ADGRB3: variants seen among roughly 807,000 people sequenced by gnomAD.
The protein encoded by ADGRB3 is brain-specific angiogenesis inhibitor 3.
In ADGRB3, 37 loss-of-function variants were observed where a neutral mutation model predicts 193.4. That is an observed-to-expected ratio of 0.19 (90% CI 0.15 to 0.25). The LOEUF (loss-of-function observed/expected upper bound fraction) is 0.25. Ranked by LOEUF, ADGRB3 falls within the 10% of genes least tolerant of loss-of-function variation. The pLI, the probability that ADGRB3 is intolerant of heterozygous loss-of-function variation, is 1.00. For synonymous variants in ADGRB3, 690 were observed against 644.2 expected, an observed-to-expected ratio of 1.07 and a Z score of -1.08; for missense variants, 1,637 against 1,852.9, an observed-to-expected ratio of 0.88 and a Z score of 2.14.
rs1434232810 is a variant in ADGRB3 at position 69,135,512 on chromosome 6, C to T, written c.2480+59474C>T. Among the ~76,000 whole-genome samples, 6 of 152,116 alleles carry T rather than the reference C, an allele frequency of 3.9e-5. No homozygotes were observed. In the East Asian group the frequency reaches 9.7e-4, roughly 24 times the overall value. The stretch of plus-strand genomic sequence containing the variant: ...GTAGTAAGCCAGGGAAAAAGCTATA[C>T]ATGCATTAATTTCTATGTATGATTT... On this transcript the variant is annotated intron_variant, in intron 17 of 31. Coordinates refer to ENST00000370598, the MANE Select transcript of ADGRB3 (RefSeq NM_001704.3).
Position 69,085,569 on chromosome 6 carries a change from AT to A in ADGRB3, c.2480+9541del, listed in dbSNP as rs569932817. On this transcript the variant is annotated intron_variant, in intron 17 of 31. Coordinates refer to ENST00000370598, the MANE Select transcript of ADGRB3 (RefSeq NM_001704.3). ...CCAGTCATTTGAATGACTCAGACTA[AT>A]TTTTTTTTTCTATTTTAGCTTTTAT... Among the ~76,000 whole-genome samples the A allele has an allele frequency of 3.9e-3, 588 of 149,508 alleles. 3 individuals are homozygous for A. Among genetic ancestry groups the A allele is most frequent in the African/African-American group, 0.013 (535 of 40,792 alleles).
intron 8 of ADGRB3, among the ~76,000 whole-genome samples, chr6:68,961,783 A>G (rs138174637): frequency 5.2e-4 from 79 of 152,318 alleles, no homozygotes; most frequent in Middle Eastern, 6.8e-3. Context: ...ATTTCAAACC[A>G]AGTTTAATTA....
In ADGRB3 at chr6:68,704,138, T is replaced by A. The variant is rs946540184; in HGVS notation, c.757+64706T>A. Among the ~76,000 whole-genome samples, 3 of 152,202 alleles carry A rather than the reference T, an allele frequency of 2.0e-5. No individual in the cohort carries two copies. In the East Asian group the frequency reaches 5.8e-4, roughly 29 times the overall value. On this transcript the variant is annotated intron_variant, in intron 3 of 31. Transcript: ENST00000370598. ...AAACATAAATTATTATGAAACACTG[T>A]GTACATTTAATTTGAAGGTTGTCCA...
At chr6:69,094,915 GA>G (rs1227315950) in intron 17 of ADGRB3, among the ~76,000 whole-genome samples, 2 of 152,108 alleles carry the variant, frequency 1.3e-5, no homozygotes, top group Non-Finnish European at 2.9e-5. Context: ...ACACTTTTAA[GA>G]TGGCTTAAAA....
intron 20 of ADGRB3, among the ~76,000 whole-genome samples, chr6:69,254,071 G>A (rs1766692820): frequency 6.6e-6 from 1 of 152,082 alleles, no homozygotes; most frequent in South Asian, 2.1e-4. Flanking sequence ...AATTTAAAAA[G>A]AGCACAAGGA....
intron 3 of ADGRB3, among the ~76,000 whole-genome samples, chr6:68,722,416 G>A (rs1465818272): frequency 2.0e-5 from 3 of 151,532 alleles, no homozygotes; most frequent in Admixed American, 6.6e-5. Flanking sequence ...ACCATGGCAC[G>A]TGTACGTCTA....
chr6:68,945,509 A>G (rs886532594), intron 6 of ADGRB3, among the ~76,000 whole-genome samples: 115 of 152,156 alleles, frequency 7.6e-4, no homozygotes, highest in African/African-American at 2.3e-3. Context: ...TACTTTTTAA[A>G]TTTTTTTCAA....
intron 3 of ADGRB3, among the ~76,000 whole-genome samples, chr6:68,767,096 G>A (rs1272116794): frequency 2.0e-5 from 3 of 151,906 alleles, no homozygotes; most frequent in Admixed American, 2.0e-4. Context: ...CTTTTAAAGT[G>A]CTTTCATTTT....
At chr6:68,862,894 T>C (rs1765196069) in intron 3 of ADGRB3, among the ~76,000 whole-genome samples, 2 of 152,154 alleles carry the variant, frequency 1.3e-5, no homozygotes, top group African/African-American at 2.4e-5. Context: ...TTTTTGTCTC[T>C]TTTCTTTCCC....
At chr6:68,665,581 A>T (rs1768780326) in intron 3 of ADGRB3, among the ~76,000 whole-genome samples, 1 of 151,844 alleles carries the variant, frequency 6.6e-6, no homozygotes, top group Non-Finnish European at 1.5e-5. Flanking sequence ...ACATATGCAA[A>T]GTGTTTAGAC....
intron 23 of ADGRB3, chr6:69,332,107 T>A (rs1183441102): frequency 2.0e-6 from 2 of 985,290 alleles, no homozygotes; most frequent in African/African-American, 3.5e-5. Context: ...CTCATTGGAC[T>A]GGATTCCTTG....
intron 20 of ADGRB3, among the ~76,000 whole-genome samples, chr6:69,248,752 T>C (rs1766550529): frequency 6.6e-6 from 1 of 152,212 alleles, no homozygotes; most frequent in Non-Finnish European, 1.5e-5. Context: ...AATTTTGAGC[T>C]TTCTAGAAGT....
intron 15 of ADGRB3, among the ~76,000 whole-genome samples, chr6:69,053,342 A>G (rs1771454162): frequency 6.6e-6 from 1 of 152,218 alleles, no homozygotes; most frequent in Non-Finnish European, 1.5e-5. Flanking sequence ...GAGTTATAAT[A>G]CAACTTATCT....
At chr6:68,883,013 C>T (rs1399436602) in intron 3 of ADGRB3, among the ~76,000 whole-genome samples, 1 of 152,108 alleles carries the variant, frequency 6.6e-6, no homozygotes, top group African/African-American at 2.4e-5. Flanking sequence ...CCTGCCTCAG[C>T]CTCCGGAGTA....
At chr6:69,122,725 C>T (rs1197164177) in intron 17 of ADGRB3, among the ~76,000 whole-genome samples, 1 of 151,770 alleles carries the variant, frequency 6.6e-6, no homozygotes, top group Non-Finnish European at 1.5e-5. Context: ...TTTGCTAAGA[C>T]CAAGTCTATT....
At chr6:69,086,957 CT>C in intron 17 of ADGRB3, among the ~76,000 whole-genome samples, 1 of 152,078 alleles carries the variant, frequency 6.6e-6, no homozygotes, top group Non-Finnish European at 1.5e-5. Context: ...GAGGCTTAGG[CT>C]TTTTTGTTAG....
intron 3 of ADGRB3, among the ~76,000 whole-genome samples, chr6:68,864,545 A>G (rs1045630248): frequency 1.3e-5 from 2 of 150,612 alleles, no homozygotes. Flanking sequence ...GCCACACCCT[A>G]GGGATGATGG....
intron 3 of ADGRB3, among the ~76,000 whole-genome samples, chr6:68,682,855 G>A (rs1251982960): frequency 1.3e-5 from 2 of 150,632 alleles, no homozygotes; most frequent in Non-Finnish European, 2.9e-5. Flanking sequence ...TCAGCTCACT[G>A]CAACCTCTGC....
intron 3 of ADGRB3, among the ~76,000 whole-genome samples, chr6:68,821,965 A>AT (rs1767756414): frequency 6.6e-6 from 1 of 151,876 alleles, no homozygotes; most frequent in African/African-American, 2.4e-5. Context: ...AGGTACTATT[A>AT]TTATTTGTAT....
Sources: allele counts gnomAD v4.1 joint callset (sites outside exome capture counted in the v4.1 genomes callset), GRCh38; gene constraint gnomAD v4.1.1; transcripts MANE v1.5; gene names NCBI Gene and HGNC (gene_info 2026-07-23, HGNC 2026-07-21).